Variants in ELOA observed in about 807,000 individuals in gnomAD.
The protein encoded by ELOA is elongin A, also known as elongin-A.
ELOA carries 15 observed loss-of-function variants against 85.2 expected under a neutral mutation model. The ratio of observed to expected loss-of-function variants is 0.18; its 90% confidence interval spans 0.12 to 0.27. The LOEUF (loss-of-function observed/expected upper bound fraction) is 0.27, where lower values mean the gene tolerates loss of function less well. ELOA is among the 10% of genes least tolerant of loss of function. ELOA has a pLI of 1.00. For synonymous variants in ELOA, 348 were observed against 357.2 expected, an observed-to-expected ratio of 0.97 and a Z score of 0.29; for missense variants, 769 against 952.7, an observed-to-expected ratio of 0.81 and a Z score of 2.54.
In ELOA at chr1:23,755,829, G is replaced by A. The variant is rs1644792081; in HGVS notation, c.1792-14G>A. 6.3e-7 allele frequency: 1 copy of A among 1,583,308 alleles called. No individual in the cohort carries two copies. Among genetic ancestry groups the A allele is most frequent in the Admixed American group, 1.9e-5 (1 of 51,548 alleles). ...AGTGCTTGTACACAAATGATGTCCT[G>A]GTTCTGGTTTCAGGTATTAATTGAA... On this transcript the variant is annotated splice_polypyrimidine_tract_variant and intron_variant, in intron 7 of 10. Transcript: ENST00000613537.
Position 23,751,908 on chromosome 1 carries a change from G to A in ELOA, c.1303G>A (p.Gly435Arg), listed in dbSNP as rs1368835472. 1 of 1,613,764 alleles carries A rather than the reference G, an allele frequency of 6.2e-7. No individual in the cohort carries two copies. Among genetic ancestry groups the A allele is most frequent in the Non-Finnish European group, 8.5e-7 (1 of 1,179,980 alleles). ...KTSATALGDK[G>R]LKKNDSKSTG... is the part of the protein sequence containing the mutation. ...TTCAGCCACGGCACTTGGAGATAAA[G>A]GACTTAAAAAAAATGACTCTAAAAG... is the stretch of plus-strand genomic sequence containing the variant. The change falls in exon 4 of 11, where the codon GGA becomes AGA. Residue 435 changes from glycine to arginine, a missense_variant. By Grantham distance (125) the Gly-to-Arg change is moderately radical. Around this residue, in one of 4 missense-constraint regions of ELOA, gnomAD observed 193 missense variants for 278.9 expected, o/e 0.69. Coordinates refer to ENST00000613537, the MANE Select transcript of ELOA (RefSeq NM_003198.3).
intron 4 of ELOA, 69 bp downstream of exon 4, chr1:23,752,099 C>A: frequency 7.0e-7 from 1 of 1,433,900 alleles, no homozygotes; most frequent in Non-Finnish European, 9.4e-7. Context: ...AGAGGATTGC[C>A]CTGCCACTGT....
intron 5 of ELOA, among the ~76,000 whole-genome samples, chr1:23,753,895 C>T (rs531205630): frequency 6.6e-6 from 1 of 151,992 alleles, no homozygotes; most frequent in Non-Finnish European, 1.5e-5. Flanking sequence ...AGGCTGATCT[C>T]GAACTCTTGA....
chr1:23,746,242 C>CG (rs1440234828), intron 1 of ELOA, among the ~76,000 whole-genome samples: 195 of 148,488 alleles, frequency 1.3e-3, no homozygotes, highest in African/African-American at 4.1e-3. Flanking sequence ...GAGCTGAGAT[C>CG]GCGCCATTGC....
chr1:23,760,740 G>A lies in ELOA; in HGVS notation c.*1167G>A, dbSNP rs889622869. 1 of 152,232 alleles carries A rather than the reference G, an allele frequency of 6.6e-6. No homozygotes were observed. The highest frequency in any genetic ancestry group is 2.4e-5 in the African/African-American group (1 of 41,444). The allele number at this position is 152,232 out of a possible 1,614,324, so 9.4% of individuals were successfully genotyped here. A position where few individuals can be genotyped will look rare whatever the true frequency, so the allele number is the denominator to read the frequency against. Reference sequence around the variant, plus strand: ...GAGTGTGTTTAAGGCAGGATTTGGAGGGAAGGACCAGCTTAGGGAGAGTGT... The same window carrying A: ...GAGTGTGTTTAAGGCAGGATTTGGAAGGAAGGACCAGCTTAGGGAGAGTGT... On this transcript the variant is annotated 3_prime_UTR_variant, in exon 11 of 11. Coordinates refer to ENST00000613537, the MANE Select transcript of ELOA (RefSeq NM_003198.3).
At chr1:23,750,824 C>A in intron 3 of ELOA, 21 bp from the exon 4 acceptor site, 1 of 1,538,810 alleles carries the variant, frequency 6.5e-7, no homozygotes, top group South Asian at 1.3e-5. Context: ...CCTACTTTGT[C>A]TGCTTTTTCT....
At chr1:23,753,956 G>C in intron 5 of ELOA, 144 bp from the exon 6 acceptor site, 1 of 1,026,892 alleles carries the variant, frequency 9.7e-7, no homozygotes, top group Non-Finnish European at 1.4e-6. Context: ...GATTACAGGA[G>C]CTTATTTTTA....
At chr1:23,746,555 C>T (rs900993578) in intron 1 of ELOA, among the ~76,000 whole-genome samples, 9 of 137,998 alleles carry the variant, frequency 6.5e-5, no homozygotes, top group Non-Finnish European at 1.2e-4. Context: ...TGCAGTGAGC[C>T]GAGATGGCAC....
chr1:23,756,126 A>G (rs1644793680), intron 8 of ELOA, 103 bp downstream of exon 8: 2 of 1,478,008 alleles, frequency 1.4e-6, no homozygotes, highest in East Asian at 4.7e-5. Context: ...TTGCCCCTAC[A>G]TCAGGTAGCA....
intron 4 of ELOA, 144 bp downstream of exon 4, chr1:23,752,174 A>C: frequency 1.1e-6 from 1 of 900,248 alleles, no homozygotes; most frequent in East Asian, 2.6e-5. Flanking sequence ...TCTGGGCTTC[A>C]CTGGTTGTCA....
At chr1:23,743,863 C>T (rs1026860185) in intron 1 of ELOA, among the ~76,000 whole-genome samples, 4 of 152,190 alleles carry the variant, frequency 2.6e-5, no homozygotes, top group African/African-American at 9.6e-5. Flanking sequence ...CAGAGGCGCT[C>T]CGTGGCGTCC....
rs76429686 is a variant in ELOA, at chr1:23,754,938, CT to C, written c.1791+493del. ...TTCTGAAAGTTCTATGACCTAACAC[CT>C]TTTTTTTTTTTTTTGGAGATAGGGT... On this transcript the variant is annotated intron_variant, in intron 7 of 10. Transcript: ENST00000613537. Among the ~76,000 whole-genome samples, 890 of 140,834 alleles carry C rather than the reference CT, an allele frequency of 6.3e-3. 4 individuals carry two copies. The highest frequency in any genetic ancestry group is 7.8e-3 in the Non-Finnish European group (501 of 64,348). The allele number at this position is 140,834 out of a possible 152,430, so 92.4% of individuals were successfully genotyped here. A position where few individuals can be genotyped will look rare whatever the true frequency, so the allele number is the denominator to read the frequency against.
chr1:23,754,062 G>C, intron 5 of ELOA, 38 bp from the exon 6 acceptor site: 1 of 1,606,178 alleles, frequency 6.2e-7, no homozygotes, highest in South Asian at 1.1e-5. Flanking sequence ...GTTTTCACTG[G>C]ATCACTTAGG....
intron 5 of ELOA, 38 bp downstream of exon 5, chr1:23,752,556 G>T (rs1644776181): frequency 3.8e-6 from 6 of 1,582,722 alleles, no homozygotes; most frequent in Non-Finnish European, 5.2e-6. Context: ...ATGGGAAAAA[G>T]ATTTAAAAAT....
At position 23,752,448 on chromosome 1, in the gene ELOA, C is replaced by T. The variant is rs535890865; in HGVS notation, c.1467C>T (p.Pro489=). ...VLPVLPDLPL[P]AIQANYRPLP... is the part of the protein sequence containing the mutation. ...CAGTGTTGCCAGACCTCCCGTTACCCGCGATACAGGCCAATTACCGTCCAC... is the reference window on the plus strand; with the variant it reads ...CAGTGTTGCCAGACCTCCCGTTACCTGCGATACAGGCCAATTACCGTCCAC... The change falls in exon 5 of 11, where the codon CCC becomes CCT. Residue 489 remains proline, a synonymous_variant. Transcript: ENST00000613537. 39 of 1,613,992 alleles carry T rather than the reference C, an allele frequency of 2.4e-5. No individual in the cohort carries two copies. The highest frequency in any genetic ancestry group is 5.3e-5 in the African/African-American group (4 of 74,902).
At chr1:23,745,739 C>G (rs1644743284) in intron 1 of ELOA, among the ~76,000 whole-genome samples, 1 of 152,150 alleles carries the variant, frequency 6.6e-6, no homozygotes, top group Non-Finnish European at 1.5e-5. Context: ...TAACAAGCTC[C>G]TACAGGTTGT....
intron 1 of ELOA, among the ~76,000 whole-genome samples, chr1:23,744,829 C>CGTGGG (rs992707906): frequency 5.3e-5 from 8 of 151,932 alleles, no homozygotes; most frequent in Non-Finnish European, 1.2e-4. Flanking sequence ...GGGCTAGGGC[C>CGTGGG]GTGGGGGAAC....
In ELOA at chr1:23,757,069, T is replaced by A. The variant is rs1170393872; in HGVS notation, c.2201T>A (p.Leu734Ter). 6.2e-7 allele frequency: 1 copy of A among 1,609,846 alleles called. No individual in the cohort carries two copies. Among genetic ancestry groups the A allele is most frequent in the Non-Finnish European group, 8.5e-7 (1 of 1,178,706 alleles). ...GGCCCAAGCACCAGCAGTGCCCACT[T>A]GGCACCAGTGGTCAGCAGCACTGTT... ...YDGPSTSSAH[L>*]APVVSSTVSY... Residue 734 changes from leucine to a stop codon, truncating the protein, a stop_gained, in exon 10 of 11, where the codon TTG becomes TAG. Coordinates refer to ENST00000613537, the MANE Select transcript of ELOA (RefSeq NM_003198.3). LOFTEE classifies it high-confidence loss of function.
chr1:23,751,007 G>T lies in ELOA; in HGVS notation c.402G>T (p.Arg134Ser), dbSNP rs150907189. The change falls in exon 4 of 11, where the codon AGG becomes AGT. Residue 134 changes from arginine (R) to serine (S), a missense_variant. Arg to Ser is a moderately radical substitution (Grantham distance 110, BLOSUM62 -1). This residue lies in a region of ELOA where 440 missense variants were observed against 474.0 expected (regional missense o/e 0.93). Transcript: ENST00000613537. ...YSPDHRQKKH[R>S]KLSELERPHK... Reference sequence around the variant, plus strand: ...CTGACCACAGGCAGAAGAAACATAGGAAACTCTCGGAGCTCGAGAGACCTC... The same window carrying T: ...CTGACCACAGGCAGAAGAAACATAGTAAACTCTCGGAGCTCGAGAGACCTC... 3.1e-6 allele frequency: 5 copies of T among 1,613,896 alleles called. No individual in the cohort carries two copies. In the African/African-American group the frequency reaches 6.7e-5, roughly 22 times the overall value.
Sources: gnomAD v4.1 joint callset for allele counts (sites outside exome capture counted in the v4.1 genomes callset) on GRCh38, gnomAD v4.1.1 for gene constraint, gnomAD v4.1.1 regional missense constraint, MANE v1.5 for transcripts, NCBI Gene and HGNC (gene_info 2026-07-23, HGNC 2026-07-21) for gene names.